Variants in NMRK1 observed in about 807,000 individuals in gnomAD.
NMRK1 encodes nicotinamide riboside kinase 1, also known as NRK 1.
NMRK1 carries 28 observed loss-of-function variants against 29.9 expected under a neutral mutation model. The ratio of observed to expected loss-of-function variants is 0.94; its 90% CI spans 0.69 to 1.28. NMRK1 has a LOEUF of 1.28. Among genes scored for constraint, NMRK1 ranks in the 50% most tolerant of loss-of-function variants. The probability of loss-of-function intolerance (pLI) is 0.00; values close to 1 mark genes in which losing one functional copy is unlikely to be tolerated. For synonymous variants in NMRK1, 58 were observed against 73.0 expected (o/e 0.79, Z 1.05); for missense variants, 218 against 233.1 (o/e 0.94, Z 0.42).
intron 8 of NMRK1, among the ~76,000 whole-genome samples, chr9:75,065,565 C>A (rs1823291407): frequency 6.6e-6 from 1 of 151,994 alleles, no homozygotes; most frequent in Non-Finnish European, 1.5e-5. Context: ...GCAATCCTCC[C>A]AATTTAGCCT....
At chr9:75,070,542 G>A (rs1208751701) in intron 4 of NMRK1, among the ~76,000 whole-genome samples, 1 of 152,296 alleles carries the variant, frequency 6.6e-6, no homozygotes, top group East Asian at 1.9e-4. Context: ...ACACAAATAT[G>A]TCATTGTCAC....
intron 3 of NMRK1, 98 bp downstream of exon 3, chr9:75,077,392 G>A (rs868426207): frequency 3.6e-5 from 36 of 997,570 alleles, no homozygotes; most frequent in African/African-American, 1.8e-4. Context: ...AATACAAAAC[G>A]TAAATCTCTA....
intron 4 of NMRK1, among the ~76,000 whole-genome samples, chr9:75,075,289 C>T (rs1158148402): frequency 6.6e-6 from 1 of 151,990 alleles, no homozygotes; most frequent in Non-Finnish European, 1.5e-5. Flanking sequence ...AACTGTTTTT[C>T]CTTGTTTTTC....
intron 3 of NMRK1, 127 bp from the exon 4 acceptor site, chr9:75,077,334 C>T (rs1430210514): frequency 9.4e-6 from 8 of 850,908 alleles, no homozygotes; most frequent in African/African-American, 8.5e-5. Context: ...CACTGATAGA[C>T]AGTGCCATCT....
At position 75,077,474 on chromosome 9, in the gene NMRK1, G is replaced by A; in HGVS notation, c.120+16C>T. On this transcript the variant is annotated intron_variant, in intron 3 of 8. Transcript: ENST00000361092. ...TTTTTGTATTAAATAAATAATTTAA[G>A]AAGTTTTATAGATACCTTGAAGAAA... 1 of 1,496,746 alleles carries A rather than the reference G, an allele frequency of 6.7e-7. No individual in the cohort carries two copies. The highest frequency in any genetic ancestry group is 1.4e-5 in the African/African-American group (1 of 72,046). 92.7% of individuals were successfully genotyped at this position (1,496,746 alleles called of 1,614,324 possible).
At chr9:75,079,545 A>T (rs907869876) in intron 2 of NMRK1, among the ~76,000 whole-genome samples, 17 of 152,100 alleles carry the variant, frequency 1.1e-4, no homozygotes, top group Admixed American at 3.3e-4. Context: ...AGAAATACAC[A>T]CCCCATTTTT....
chr9:75,080,779 C>T (rs1038160941), intron 2 of NMRK1, among the ~76,000 whole-genome samples: 12 of 152,264 alleles, frequency 7.9e-5, no homozygotes, highest in East Asian at 1.9e-4. Context: ...TGTTGGTTCA[C>T]GTGAGAGCTG....
intron 1 of NMRK1, among the ~76,000 whole-genome samples, chr9:75,085,129 A>G (rs1824543026): frequency 6.6e-6 from 1 of 152,224 alleles, no homozygotes; most frequent in South Asian, 2.1e-4. Context: ...TCACTTTACC[A>G]AATAAAATAA....
intron 2 of NMRK1, chr9:75,078,317 C>A: frequency 6.4e-7 from 1 of 1,564,460 alleles, no homozygotes; most frequent in East Asian, 2.4e-5. Context: ...TTATTACAAG[C>A]CCACCTACCA....
In NMRK1 at chr9:75,074,401, T is replaced by A. The variant is rs550540624; in HGVS notation, c.169+2758A>T. ...CACCATCTTTTGATTTATTTATTTATTTTTTTGAGACAGTCTCACTCTGTC... is the reference window on the plus strand; with the variant it reads ...CACCATCTTTTGATTTATTTATTTAATTTTTTGAGACAGTCTCACTCTGTC... On this transcript the variant is annotated intron_variant, in intron 4 of 8. Transcript: ENST00000361092. Among the ~76,000 whole-genome samples the A allele has an allele frequency of 7.9e-5, 12 of 151,000 alleles. No individual in the cohort carries two copies. The South Asian group carries it at 1.2e-3, about 16-fold the overall frequency.
Position 75,061,504 on chromosome 9 carries a change from G to C in NMRK1, c.*44C>G. On this transcript the variant is annotated 3_prime_UTR_variant, in exon 9 of 9. Transcript: ENST00000361092. ...GTGAAGGTTCTTAAATTACTCCTTGGAGTTTCCTAATTCACTTCAGGAAGG... is the reference window on the plus strand; with the variant it reads ...GTGAAGGTTCTTAAATTACTCCTTGCAGTTTCCTAATTCACTTCAGGAAGG... 1 of 1,528,424 alleles carries C rather than the reference G, an allele frequency of 6.5e-7. No homozygotes were observed. Among genetic ancestry groups the C allele is most frequent in the Non-Finnish European group, 9.0e-7 (1 of 1,107,540 alleles). 94.7% of individuals were successfully genotyped at this position (1,528,424 alleles called of 1,614,324 possible).
At chr9:75,087,351 T>A (rs2118306675) in intron 1 of NMRK1, among the ~76,000 whole-genome samples, 1 of 152,242 alleles carries the variant, frequency 6.6e-6, no homozygotes, top group Non-Finnish European at 1.5e-5. Context: ...GTGCTCCAGT[T>A]CTTTCCTCCC....
At chr9:75,084,081 C>T (rs1368839639) in intron 1 of NMRK1, among the ~76,000 whole-genome samples, 8 of 152,176 alleles carry the variant, frequency 5.3e-5, no homozygotes. Context: ...TACATGCCTC[C>T]CTAACGTTCA....
chr9:75,079,873 T>C (rs911223987), intron 2 of NMRK1, among the ~76,000 whole-genome samples: 1 of 152,160 alleles, frequency 6.6e-6, no homozygotes, highest in Non-Finnish European at 1.5e-5. Flanking sequence ...ACGTGTAGCT[T>C]GCGTGTGCTA....
In NMRK1 at chr9:75,066,598, C is replaced by A. The variant is rs1038982697; in HGVS notation, c.580+159G>T. ...ACAAAATAATTGAGTCTCCAAACCC[C>A]CCCCCAGAATTTCTGATTCTGAATT... On this transcript the variant is annotated intron_variant, in intron 8 of 8. Coordinates refer to ENST00000361092, the MANE Select transcript of NMRK1 (RefSeq NM_017881.3). Among the ~76,000 whole-genome samples the A allele has an allele frequency of 5.3e-5, 8 of 152,188 alleles. No individual in the cohort carries two copies. In the South Asian group the frequency reaches 1.7e-3, roughly 32 times the overall value.
chr9:75,071,355 C>T (rs991417063), intron 4 of NMRK1, among the ~76,000 whole-genome samples: 10 of 152,016 alleles, frequency 6.6e-5, no homozygotes, highest in Non-Finnish European at 1.5e-4. Context: ...TTTTTCAAAT[C>T]TTCTATTTCT....
At chr9:75,063,953 CTCTTT>C (rs1823190365) in intron 8 of NMRK1, among the ~76,000 whole-genome samples, 1 of 147,566 alleles carries the variant, frequency 6.8e-6, no homozygotes, top group African/African-American at 2.4e-5. Flanking sequence ...GTTTTTATCC[CTCTTT>C]TAAGTTTTTT....
At chr9:75,065,711 C>T (rs1273100178) in intron 8 of NMRK1, among the ~76,000 whole-genome samples, 1 of 152,188 alleles carries the variant, frequency 6.6e-6, no homozygotes. Flanking sequence ...AGTATGCCAT[C>T]TCCCTGGCCA....
chr9:75,068,472 C>A (rs911628922), intron 7 of NMRK1, among the ~76,000 whole-genome samples: 1 of 152,208 alleles, frequency 6.6e-6, no homozygotes, highest in Non-Finnish European at 1.5e-5. Context: ...TCCTTCCTGT[C>A]CCCTGGCCCT....
Sources: gnomAD v4.1 joint callset for allele counts (sites outside exome capture counted in the v4.1 genomes callset) on GRCh38, gnomAD v4.1.1 for gene constraint, MANE v1.5 for transcripts, NCBI Gene and HGNC (gene_info 2026-07-23, HGNC 2026-07-21) for gene names.